The following INAVA variants were observed in gnomAD, a reference collection of about 807,000 sequenced individuals.
INAVA encodes the protein innate immunity activator.
INAVA carries 32 observed loss-of-function variants against 55.3 expected under a neutral mutation model. The ratio of observed to expected loss-of-function variants is 0.58; its 90% confidence interval spans 0.44 to 0.78. The LOEUF (loss-of-function observed/expected upper bound fraction) is 0.78. Among genes scored for constraint, INAVA ranks in the 30% least tolerant of loss-of-function variants. The probability of loss-of-function intolerance (pLI) is 0.00; values close to 1 mark genes in which losing one functional copy is unlikely to be tolerated. For missense variants in INAVA, 756 were observed against 786.4 expected, an observed-to-expected ratio of 0.96 and a Z score of 0.46; for synonymous variants, 294 against 329.4, an observed-to-expected ratio of 0.89 and a Z score of 1.16.
chr1:200,893,622 C>T (rs1363200664), upstream of INAVA, among the ~76,000 whole-genome samples: 1 of 152,194 alleles, frequency 6.6e-6, no homozygotes, highest in Non-Finnish European at 1.5e-5. Context: ...ACTGTCCCCT[C>T]TTAGGGCCCC....
chr1:200,895,232 C>A, intron 1 of INAVA, 145 bp downstream of exon 1: 2 of 653,250 alleles, frequency 3.1e-6, no homozygotes, highest in Non-Finnish European at 3.8e-6. Flanking sequence ...CAGAGGGGTG[C>A]TGGTGGGCTT....
At chr1:200,909,780 T>C (rs1419945408) in intron 8 of INAVA, among the ~76,000 whole-genome samples, 3 of 152,306 alleles carry the variant, frequency 2.0e-5, no homozygotes, top group African/African-American at 7.2e-5. Context: ...TAAAGTAAAA[T>C]TGACGCAAAT....
chr1:200,911,890 C>T lies in INAVA; in HGVS notation c.1397C>T (p.Thr466Ile). ...GGCCCTGCTTACGAGGAGGAGGGCA[C>T]TCCCCTGCGCTACCAGCGTCTGGTG... The part of the protein sequence containing the change: ...APGPAYEEEG[T>I]PLRYQRLVPS... Residue 466 changes from threonine (T) to isoleucine (I), a missense_variant, in exon 9 of 10, where the codon ACT becomes ATT. Physicochemically the swap from Thr to Ile is moderately conservative, Grantham distance 89 (BLOSUM62 -1). Coordinates refer to ENST00000413687, the MANE Select transcript of INAVA (RefSeq NM_001142569.3). 1 of 1,584,058 alleles carries T rather than the reference C, an allele frequency of 6.3e-7. No homozygotes were observed. The highest frequency in any genetic ancestry group is 1.1e-5 in the South Asian group (1 of 88,838).
chr1:200,898,171 G>A lies in INAVA; in HGVS notation c.-94-136G>A, dbSNP rs139566615. 315 of 927,880 alleles carry A rather than the reference G, an allele frequency of 3.4e-4. 4 individuals are homozygous for A. The East Asian group carries it at 7.8e-3, about 23-fold the overall frequency. 57.5% of individuals were successfully genotyped at this position (927,880 alleles called of 1,614,324 possible). Reference sequence around the variant, plus strand: ...CTCTAGGTCAGCACCCCCAGTGCCAGAATCTCCTGCCCCAGATGGTTCCTG... The same window carrying A: ...CTCTAGGTCAGCACCCCCAGTGCCAAAATCTCCTGCCCCAGATGGTTCCTG... On this transcript the variant is annotated intron_variant, in intron 1 of 9. Transcript: ENST00000413687.
chr1:200,894,830 G>A, upstream of INAVA: 8 of 985,558 alleles, frequency 8.1e-6, no homozygotes, highest in African/African-American at 1.7e-5. Flanking sequence ...GATTAGTTCA[G>A]GGAAGGACTT....
At chr1:200,907,754 C>A in intron 5 of INAVA, 80 bp from the exon 6 acceptor site, 1 of 1,170,122 alleles carries the variant, frequency 8.5e-7, no homozygotes. Context: ...CAGGCCTGAG[C>A]TGCTCAGCAC....
At chr1:200,893,803 G>A (rs1431053874), upstream of INAVA, among the ~76,000 whole-genome samples, 2 of 152,172 alleles carry the variant, frequency 1.3e-5, no homozygotes, top group Non-Finnish European at 2.9e-5. Flanking sequence ...CACAGGAGAT[G>A]CCTGGTGAAA....
At chr1:200,894,726 G>A (rs149199332), upstream of INAVA, 799 of 909,540 alleles carry the variant, frequency 8.8e-4, 6 homozygotes, top group African/African-American at 0.014. Flanking sequence ...TCTTCTTTGG[G>A]GATTCCTCCA....
rs1200211950 is a variant in INAVA at position 200,915,537 on chromosome 1, G to A, written c.*1908G>A. ...CCCTGGCCTCTCAGTGTCCTAACTG[G>A]AGCCCAGAGTGCCTTGTTCTGAGCC... On this transcript the variant is annotated 3_prime_UTR_variant, in exon 10 of 10. Coordinates refer to ENST00000413687, the MANE Select transcript of INAVA (RefSeq NM_001142569.3). 1 of 152,016 alleles carries A rather than the reference G, an allele frequency of 6.6e-6. No individual in the cohort carries two copies. The highest frequency in any genetic ancestry group is 2.4e-5 in the African/African-American group (1 of 41,346). The allele number at this position is 152,016 out of a possible 1,614,324, so 9.4% of individuals were successfully genotyped here.
upstream of INAVA, among the ~76,000 whole-genome samples, chr1:200,893,688 G>A (rs1668279500): frequency 6.6e-6 from 1 of 152,196 alleles, no homozygotes; most frequent in South Asian, 2.1e-4. Context: ...TCTGGGGCTA[G>A]CATTGTTTGG....
chr1:200,911,656 G>T lies in INAVA; in HGVS notation c.1163G>T (p.Ser388Ile), dbSNP rs769269845. The T allele has an allele frequency of 5.1e-5, 82 of 1,613,920 alleles. No individual in the cohort carries two copies. The highest frequency in any genetic ancestry group is 6.6e-5 in the Non-Finnish European group (78 of 1,179,970). The change falls in exon 9 of 10, where the codon AGC (serine) becomes ATC (isoleucine). Residue 388 changes from serine (S) to isoleucine (I), a missense_variant. Coordinates refer to ENST00000413687, the MANE Select transcript of INAVA (RefSeq NM_001142569.3). The part of the protein sequence containing the change: ...SISHPTSPGS[S>I]SPDISFLQPL... ...TCCCACCCCACTTCGCCGGGCAGCA[G>T]CAGCCCCGACATCTCCTTTCTGCAG...
At chr1:200,891,824 A>C, upstream of INAVA, 1 of 586,096 alleles carries the variant, frequency 1.7e-6, no homozygotes. Context: ...ATTTTTTCAA[A>C]GGGGCAGGAA....
At chr1:200,901,239 G>C (rs1653243641) in intron 5 of INAVA, 80 bp downstream of exon 5, 3 of 1,338,094 alleles carry the variant, frequency 2.2e-6, no homozygotes, top group Non-Finnish European at 2.0e-6. Flanking sequence ...CCGTGCCACT[G>C]CCTTTGCATT....
At chr1:200,892,677 A>T (rs2102296413), upstream of INAVA, among the ~76,000 whole-genome samples, 1 of 152,128 alleles carries the variant, frequency 6.6e-6, no homozygotes, top group Admixed American at 6.5e-5. Flanking sequence ...TGGAGTGGGG[A>T]GCTGTTTCAG....
chr1:200,910,918 A>T (rs1042233148), intron 8 of INAVA, among the ~76,000 whole-genome samples: 20 of 152,168 alleles, frequency 1.3e-4, no homozygotes, highest in Non-Finnish European at 4.4e-5. Flanking sequence ...GTACCACATG[A>T]CAGCTTTTAC....
At chr1:200,898,572 A>C in intron 2 of INAVA, 117 bp downstream of exon 2, 2 of 1,171,538 alleles carry the variant, frequency 1.7e-6, no homozygotes, top group Non-Finnish European at 2.4e-6. Flanking sequence ...TGAGACTCCC[A>C]AGGGCTGAGA....
intron 5 of INAVA, 101 bp from the exon 6 acceptor site, chr1:200,907,733 G>C (rs924237305): frequency 8.3e-6 from 7 of 844,778 alleles, no homozygotes; most frequent in African/African-American, 5.0e-5. Flanking sequence ...ATGCTGTCCT[G>C]GGGGAGTGAT....
Position 200,911,173 on chromosome 1 carries a change from T to TACG in INAVA, c.960-279_960-278insCGA, listed in dbSNP as rs1187465060. ...AATGTAGTACTTTAAAAAAAGTACT[T>TACG]AATGTGCTACTTGATGTAGCACACT... is the stretch of plus-strand genomic sequence containing the variant. On this transcript the variant is annotated intron_variant, in intron 8 of 9. Transcript: ENST00000413687. 2.9e-3 allele frequency among the ~76,000 whole-genome samples: 438 copies of TACG among 151,944 alleles called. 2 individuals carry two copies. Among genetic ancestry groups the TACG allele is most frequent in the African/African-American group, 9.9e-3 (411 of 41,406 alleles).
chr1:200,895,168 T>C, intron 1 of INAVA, 81 bp downstream of exon 1: 3 of 970,474 alleles, frequency 3.1e-6, no homozygotes, highest in Non-Finnish European at 3.7e-6. Flanking sequence ...GCAGTGGCCA[T>C]CACCCCCCTC....
Sources: allele counts gnomAD v4.1 joint callset (sites outside exome capture counted in the v4.1 genomes callset), GRCh38; gene constraint gnomAD v4.1.1; transcripts MANE v1.5; gene names NCBI Gene and HGNC (gene_info 2026-07-23, HGNC 2026-07-21).